The following CCDC178 variants were observed in gnomAD, a reference collection of about 807,000 sequenced individuals.
CCDC178 encodes coiled-coil domain containing 178, also known as coiled-coil domain-containing protein 178.
In CCDC178, 126 loss-of-function variants were observed where a neutral mutation model predicts 117.4. The ratio of observed to expected loss-of-function variants is 1.07; its 90% CI spans 0.93 to 1.24. The LOEUF (loss-of-function observed/expected upper bound fraction) is 1.24, where lower values mean the gene tolerates loss of function less well. Among genes scored for constraint, CCDC178 ranks in the 50% most tolerant of loss-of-function variants. The pLI, the probability that CCDC178 is intolerant of heterozygous loss-of-function variation, is 0.00. For synonymous variants in CCDC178, 283 were observed against 313.4 expected (o/e 0.90, Z 1.02); for missense variants, 1,030 against 986.9 (o/e 1.04, Z -0.59).
chr18:33,375,819 T>C (rs2063357153), intron 5 of CCDC178, among the ~76,000 whole-genome samples: 1 of 152,192 alleles, frequency 6.6e-6, no homozygotes, highest in Non-Finnish European at 1.5e-5. Context: ...TCCAAGTTAC[T>C]GGTGGCAAAT....
chr18:33,283,850 T>C (rs950124108), intron 12 of CCDC178, among the ~76,000 whole-genome samples: 1 of 152,228 alleles, frequency 6.6e-6, no homozygotes, highest in African/African-American at 2.4e-5. Context: ...AGTGTGGTGA[T>C]TCCACAAAGA....
intron 21 of CCDC178, among the ~76,000 whole-genome samples, chr18:32,990,394 T>C (rs566687117): frequency 1.3e-5 from 2 of 152,140 alleles, no homozygotes; most frequent in Non-Finnish European, 2.9e-5. Context: ...TATGTTTTGG[T>C]ATAAGAATAG....
chr18:33,377,664 A>G (rs946560436), intron 5 of CCDC178, among the ~76,000 whole-genome samples: 1 of 152,194 alleles, frequency 6.6e-6, no homozygotes, highest in African/African-American at 2.4e-5. Flanking sequence ...TCTTCTGCCT[A>G]TGGCTAGCTA....
intron 6 of CCDC178, among the ~76,000 whole-genome samples, chr18:33,358,274 T>C (rs896571448): frequency 4.6e-5 from 7 of 151,950 alleles, no homozygotes; most frequent in African/African-American, 1.2e-4. Flanking sequence ...AAAATCCCAA[T>C]AGATTTTTTT....
intron 20 of CCDC178, among the ~76,000 whole-genome samples, chr18:33,126,882 C>G (rs1247687635): frequency 6.6e-6 from 1 of 151,450 alleles, no homozygotes; most frequent in Non-Finnish European, 1.5e-5. Flanking sequence ...GCCTCCAACT[C>G]CTGACCTCAG....
intron 5 of CCDC178, among the ~76,000 whole-genome samples, chr18:33,373,864 T>C (rs2063331853): frequency 6.6e-6 from 1 of 152,206 alleles, no homozygotes; most frequent in Non-Finnish European, 1.5e-5. Context: ...CTAAGCAGTA[T>C]ATCAACTACC....
chr18:33,041,538 G>A (rs1007454162), intron 21 of CCDC178, among the ~76,000 whole-genome samples: 10 of 151,118 alleles, frequency 6.6e-5, no homozygotes, highest in South Asian at 6.3e-4. Flanking sequence ...TACTAAATCC[G>A]TTAATAATAT....
chr18:33,428,873 G>A (rs2144960552), intron 2 of CCDC178, among the ~76,000 whole-genome samples: 1 of 151,036 alleles, frequency 6.6e-6, no homozygotes. Flanking sequence ...GCAATTGTGT[G>A]CAGTAATGCT....
At chr18:32,978,765 G>A (rs770716617) in intron 21 of CCDC178, among the ~76,000 whole-genome samples, 3 of 152,286 alleles carry the variant, frequency 2.0e-5, no homozygotes, top group African/African-American at 4.8e-5. Flanking sequence ...GGCCGGGCAC[G>A]GTGGCTAACG....
At chr18:33,432,993 T>C (rs1334388118) in intron 2 of CCDC178, among the ~76,000 whole-genome samples, 2 of 152,226 alleles carry the variant, frequency 1.3e-5, no homozygotes, top group Non-Finnish European at 2.9e-5. Flanking sequence ...ACAAAGAAAT[T>C]ACTCAGTGTT....
At chr18:33,126,124 T>C (rs568616505) in intron 20 of CCDC178, among the ~76,000 whole-genome samples, 25 of 152,156 alleles carry the variant, frequency 1.6e-4, no homozygotes, top group African/African-American at 5.8e-4. Context: ...CAGTGACCAA[T>C]TAGGAGGCTA....
At chr18:33,369,582 A>G (rs564025778) in intron 6 of CCDC178, among the ~76,000 whole-genome samples, 156 of 152,128 alleles carry the variant, frequency 1.0e-3, no homozygotes, top group African/African-American at 3.6e-3. Flanking sequence ...CAGAATAATA[A>G]AGGCAAACTT....
Position 33,412,056 on chromosome 18 carries a change from G to A in CCDC178, c.33C>T (p.Ser11=), listed in dbSNP as rs1434724619. The A allele has an allele frequency of 1.3e-6, 2 of 1,504,766 alleles. No homozygotes were observed. The highest frequency in any genetic ancestry group is 4.6e-5 in the East Asian group (2 of 43,142). 93.2% of individuals were successfully genotyped at this position (1,504,766 alleles called of 1,614,324 possible). MTENKTVSSS[S]TRDDQTNIGL... Reference sequence around the variant, plus strand: ...CTATATTGGTTTGATCATCTCTAGTGGAAGAAGAGGAAACTGTCTTGTTTT... The same window carrying A: ...CTATATTGGTTTGATCATCTCTAGTAGAAGAAGAGGAAACTGTCTTGTTTT... The change falls in exon 3 of 23, where the codon TCC becomes TCT. Residue 11 remains serine (S), a synonymous_variant. Transcript: ENST00000383096.
intron 16 of CCDC178, 72 bp downstream of exon 16, chr18:33,226,721 A>C: frequency 9.0e-7 from 1 of 1,109,960 alleles, no homozygotes; most frequent in Non-Finnish European, 1.3e-6. Flanking sequence ...GCCTCATTAC[A>C]GGCAAATTTA....
chr18:33,320,368 T>C (rs2062489209), intron 11 of CCDC178, among the ~76,000 whole-genome samples: 2 of 152,328 alleles, frequency 1.3e-5, no homozygotes, highest in South Asian at 4.1e-4. Flanking sequence ...CAAAATCTCC[T>C]TAAGCTGATA....
At chr18:33,104,128 T>A (rs2057668898) in intron 20 of CCDC178, among the ~76,000 whole-genome samples, 1 of 151,766 alleles carries the variant, frequency 6.6e-6, no homozygotes, top group African/African-American at 2.4e-5. Context: ...TGAGTCTACA[T>A]GGTCAGCAAT....
chr18:33,425,165 T>A (rs991759391), intron 2 of CCDC178, among the ~76,000 whole-genome samples: 6 of 152,116 alleles, frequency 3.9e-5, no homozygotes, highest in African/African-American at 7.2e-5. Context: ...TATGCAAGGT[T>A]AAACATAACA....
chr18:33,258,073 T>C (rs2059700724), intron 14 of CCDC178, among the ~76,000 whole-genome samples: 1 of 151,618 alleles, frequency 6.6e-6, no homozygotes, highest in African/African-American at 2.4e-5. Flanking sequence ...TTTATCTATA[T>C]GTCTTAATTA....
intron 2 of CCDC178, among the ~76,000 whole-genome samples, chr18:33,412,841 C>T (rs1427963063): frequency 6.6e-6 from 1 of 152,198 alleles, no homozygotes; most frequent in East Asian, 1.9e-4. Context: ...AAACAAGGTC[C>T]GTACATAGCA....
Sources: gnomAD v4.1 joint callset for allele counts (sites outside exome capture counted in the v4.1 genomes callset) on GRCh38, gnomAD v4.1.1 for gene constraint, MANE v1.5 for transcripts, NCBI Gene and HGNC (gene_info 2026-07-23, HGNC 2026-07-21) for gene names.